The following TTC7A variants were observed in gnomAD, a reference collection of about 807,000 sequenced individuals.
The protein encoded by TTC7A is tetratricopeptide repeat domain 7A, also known as tetratricopeptide repeat protein 7A.
Under a neutral mutation model 103.7 loss-of-function variants are expected in TTC7A, and 110 were observed. That is an observed-to-expected ratio of 1.06 (90% CI 0.91 to 1.24). The LOEUF (loss-of-function observed/expected upper bound fraction) is 1.24, where lower values mean the gene tolerates loss of function less well. Ranked by LOEUF, TTC7A falls within the 50% of genes most tolerant of loss-of-function variation. The pLI is 0.00. For synonymous variants in TTC7A, 521 were observed against 467.9 expected (o/e 1.11, Z -1.47); for missense variants, 1,340 against 1,116.3 (o/e 1.20, Z -2.86).
intron 15 of TTC7A, chr2:47,035,370 G>C (rs961755468): frequency 6.6e-6 from 1 of 152,202 alleles, no homozygotes; most frequent in Non-Finnish European, 1.5e-5. Flanking sequence ...GGGGAACCTT[G>C]CAAGCCACGT....
At chr2:46,986,545 C>T (rs182745996) in intron 5 of TTC7A, among the ~76,000 whole-genome samples, 1 of 151,756 alleles carries the variant, frequency 6.6e-6, no homozygotes, top group Admixed American at 6.6e-5. Context: ...GGGGTGCTGC[C>T]TGGGGTGGGG....
At chr2:47,035,107 A>G (rs964598068) in intron 15 of TTC7A, among the ~76,000 whole-genome samples, 1 of 151,962 alleles carries the variant, frequency 6.6e-6, no homozygotes, top group Non-Finnish European at 1.5e-5. Flanking sequence ...CTTGTTGTAT[A>G]TTTCTCGTGG....
chr2:46,960,374 C>T (rs902401116), intron 3 of TTC7A, among the ~76,000 whole-genome samples: 2 of 152,228 alleles, frequency 1.3e-5, no homozygotes, highest in Admixed American at 6.5e-5. Context: ...GTACCAATTT[C>T]CTGAGCTCCT....
At chr2:47,023,665 G>A (rs975493997) in intron 13 of TTC7A, among the ~76,000 whole-genome samples, 200 bp downstream of exon 13, 3 of 152,130 alleles carry the variant, frequency 2.0e-5, no homozygotes, top group Non-Finnish European at 2.9e-5. Flanking sequence ...GCTCTGGGGG[G>A]CTCCAGCAGC....
intron 4 of TTC7A, 117 bp from the exon 5 acceptor site, chr2:46,978,675 A>G: frequency 1.4e-6 from 1 of 705,804 alleles, no homozygotes; most frequent in Non-Finnish European, 2.5e-6. Context: ...CTGAGAATGC[A>G]ACAATGTGCC....
intron 15 of TTC7A, among the ~76,000 whole-genome samples, chr2:47,039,930 C>T (rs1162094688): frequency 6.6e-6 from 1 of 152,224 alleles, no homozygotes; most frequent in African/African-American, 2.4e-5. Flanking sequence ...CTGCCCTAGA[C>T]ATACAGACCC....
intron 2 of TTC7A, among the ~76,000 whole-genome samples, chr2:46,918,611 G>T (rs536017070): frequency 1.1e-4 from 17 of 152,348 alleles, no homozygotes; most frequent in African/African-American, 4.1e-4. Context: ...CTAACTGGAG[G>T]TTAAGGTAGC....
intron 1 of TTC7A, among the ~76,000 whole-genome samples, chr2:46,945,022 A>G (rs1191719287): frequency 6.6e-6 from 1 of 152,266 alleles, no homozygotes; most frequent in Non-Finnish European, 1.5e-5. Flanking sequence ...TTTCAAATAT[A>G]CAGTAAAGGT....
At chr2:47,064,876 C>A (rs768772459) in intron 19 of TTC7A, among the ~76,000 whole-genome samples, 5 of 152,184 alleles carry the variant, frequency 3.3e-5, no homozygotes, top group Non-Finnish European at 5.9e-5. Context: ...TTTCTGAGTT[C>A]TTAGCTGGGA....
intron 18 of TTC7A, among the ~76,000 whole-genome samples, chr2:47,059,960 C>T (rs1683631667): frequency 6.6e-6 from 1 of 152,080 alleles, no homozygotes; most frequent in Non-Finnish European, 1.5e-5. Flanking sequence ...AGTTCAAGAC[C>T]AGCCTGGGCA....
Position 47,011,418 on chromosome 2 carries a change from A to T in TTC7A, c.1375A>T (p.Ile459Phe). Residue 459 changes from isoleucine (I) to phenylalanine (F), a missense_variant, in exon 11 of 20, where the codon ATC becomes TTC. Transcript: ENST00000319190. ...GCCCCTGATGGCCGCGAAGGTCTGC[A>T]TCGGGTCCCTTCGCTGGGTGAGTGA... ...TVPLMAAKVCIGSLRWLEEAE... is the reference protein window; with the variant it reads ...TVPLMAAKVCFGSLRWLEEAE... The T allele has an allele frequency of 6.2e-7, 1 of 1,608,448 alleles. No homozygotes were observed. Among genetic ancestry groups the T allele is most frequent in the Non-Finnish European group, 8.5e-7 (1 of 1,179,756 alleles).
intron 8 of TTC7A, among the ~76,000 whole-genome samples, chr2:47,002,977 A>G (rs1186657149): frequency 6.6e-6 from 1 of 151,908 alleles, no homozygotes; most frequent in Non-Finnish European, 1.5e-5. Flanking sequence ...CAGCCTGAGG[A>G]TTTGTGCTGC....
intron 19 of TTC7A, among the ~76,000 whole-genome samples, chr2:47,070,234 CACTG>C (rs1459587161): frequency 5.3e-5 from 8 of 152,268 alleles, no homozygotes; most frequent in Non-Finnish European, 1.0e-4. Flanking sequence ...CCTGGCCACA[CACTG>C]TGCCTCTGCA....
At chr2:47,065,679 A>G (rs184608794) in intron 19 of TTC7A, 60 of 152,310 alleles carry the variant, frequency 3.9e-4, no homozygotes, top group Admixed American at 3.1e-3. Context: ...CTTACGCCCA[A>G]GTGACATATT....
At chr2:47,058,196 G>C (rs1014014022) in intron 18 of TTC7A, among the ~76,000 whole-genome samples, 1 of 152,172 alleles carries the variant, frequency 6.6e-6, no homozygotes, top group African/African-American at 2.4e-5. Flanking sequence ...ATTTCAGGCT[G>C]TCCCCAGGGA....
chr2:47,043,496 A>C (rs1255143189), intron 15 of TTC7A, among the ~76,000 whole-genome samples: 1 of 152,104 alleles, frequency 6.6e-6, no homozygotes, highest in East Asian at 1.9e-4. Context: ...TACCCATGTG[A>C]TCAGTGTACC....
At chr2:47,069,835 C>A (rs1170241463) in intron 19 of TTC7A, among the ~76,000 whole-genome samples, 1 of 152,228 alleles carries the variant, frequency 6.6e-6, no homozygotes, top group Admixed American at 6.5e-5. Flanking sequence ...TCCCAGCAGC[C>A]CTGGTGTCCC....
At chr2:47,060,123 C>T (rs1249090270) in intron 18 of TTC7A, among the ~76,000 whole-genome samples, 1 of 151,928 alleles carries the variant, frequency 6.6e-6, no homozygotes, top group East Asian at 1.9e-4. Flanking sequence ...CGGTGGCTCA[C>T]GCTTGTAATC....
intron 15 of TTC7A, among the ~76,000 whole-genome samples, chr2:47,042,704 A>G (rs10169982): frequency 0.16 from 20,784 of 130,460 alleles, 1,621 homozygotes; most frequent in South Asian, 0.27. Context: ...GTGTGTGTGT[A>G]TATATATGTA....
Sources: allele counts gnomAD v4.1 joint callset (sites outside exome capture counted in the v4.1 genomes callset), GRCh38; gene constraint gnomAD v4.1.1; transcripts MANE v1.5; gene names NCBI Gene and HGNC (gene_info 2026-07-23, HGNC 2026-07-21).